The following ZNF92 variants were observed in gnomAD, a reference collection of about 807,000 sequenced individuals.
ZNF92 encodes zinc finger protein 92, also known as epididymis luminal protein 203.
A neutral mutation model predicts 12.4 loss-of-function variants in ZNF92; 11 were observed. That is an observed-to-expected ratio of 0.89 (90% CI 0.56 to 1.47). The LOEUF (loss-of-function observed/expected upper bound fraction) is 1.47. Ranked by LOEUF, ZNF92 falls within the 40% of genes most tolerant of loss-of-function variation. The pLI is 0.00. For synonymous variants in ZNF92, 206 were observed against 228.6 expected (o/e 0.90, Z 0.89); for missense variants, 622 against 681.0 (o/e 0.91, Z 0.96).
At position 65,387,933 on chromosome 7, in the gene ZNF92, A is replaced by T. The variant is rs374946744; in HGVS notation, c.35A>T (p.Glu12Val). Residue 12 changes from glutamate (E) to valine (V), a missense_variant, in exon 2 of 4, where the codon GAA (glutamate) becomes GTA (valine). Glu to Val is a moderately radical substitution (Grantham distance 121). Transcript: ENST00000328747. ...GPLTFRDVKI[E>V]FSLEEWQCLD... The stretch of plus-strand genomic sequence containing the variant: ...CTGACATTTAGGGATGTGAAAATAG[A>T]ATTCTCTCTAGAGGAATGGCAATGC... 9 of 1,607,654 alleles carry T rather than the reference A, an allele frequency of 5.6e-6. No individual in the cohort carries two copies. The highest frequency in any genetic ancestry group is 7.6e-6 in the Non-Finnish European group (9 of 1,177,322).
chr7:65,399,092 A>G lies in ZNF92; in HGVS notation c.978A>G (p.Ser326=). The G allele has an allele frequency of 6.2e-7, 1 of 1,612,802 alleles. No individual in the cohort carries two copies. Among genetic ancestry groups the G allele is most frequent in the Non-Finnish European group, 8.5e-7 (1 of 1,179,372 alleles). The change falls in exon 4 of 4, where the codon TCA becomes TCG. Residue 326 remains serine, a synonymous_variant. Coordinates refer to ENST00000328747, the MANE Select transcript of ZNF92 (RefSeq NM_152626.4). ...GTGGCAAAGCCTTTAGAGTATTCTC[A>G]ATTCTTAAAAAACATAAGATAATCC... ...EECGKAFRVF[S]ILKKHKIIHT...
intron 1 of ZNF92, among the ~76,000 whole-genome samples, chr7:65,386,175 A>G (rs574946436): frequency 1.3e-5 from 2 of 152,086 alleles, no homozygotes; most frequent in Admixed American, 6.6e-5. Context: ...GCGTGCCACC[A>G]TGCCCGGCTA....
intron 1 of ZNF92, among the ~76,000 whole-genome samples, chr7:65,380,924 GT>G (rs1010844825): frequency 1.3e-5 from 2 of 151,650 alleles, no homozygotes; most frequent in Admixed American, 6.6e-5. Flanking sequence ...TCATTGTGGT[GT>G]TTTTTTTGTT....
chr7:65,375,340 G>T (rs1407727620), intron 1 of ZNF92, among the ~76,000 whole-genome samples: 1 of 152,002 alleles, frequency 6.6e-6, no homozygotes, highest in Non-Finnish European at 1.5e-5. Flanking sequence ...ATCAGCTCCT[G>T]GGTCATTTTC....
intron 3 of ZNF92, among the ~76,000 whole-genome samples, chr7:65,391,655 A>C (rs1412441616): frequency 1.3e-5 from 2 of 152,136 alleles, no homozygotes; most frequent in African/African-American, 4.8e-5. Context: ...TTATTTGGCA[A>C]CGTAAGGCTA....
intron 1 of ZNF92, among the ~76,000 whole-genome samples, chr7:65,376,071 C>A (rs1413475863): frequency 6.6e-6 from 1 of 151,628 alleles, no homozygotes; most frequent in Non-Finnish European, 1.5e-5. Context: ...CACAACCACA[C>A]CCGACTAGTG....
At position 65,399,060 on chromosome 7, in the gene ZNF92, G is replaced by C; in HGVS notation, c.946G>C (p.Glu316Gln). 6.2e-7 allele frequency: 1 copy of C among 1,613,298 alleles called. No individual in the cohort carries two copies. The highest frequency in any genetic ancestry group is 8.5e-7 in the Non-Finnish European group (1 of 1,179,660). Reference protein sequence around the residue: ...IHMEDKPYKCEECGKAFRVFS... With the variant: ...IHMEDKPYKCQECGKAFRVFS... ...TATGGAAGATAAACCCTACAAATGT[G>C]AAGAATGTGGCAAAGCCTTTAGAGT... The change falls in exon 4 of 4, where the codon GAA becomes CAA. Residue 316 changes from glutamate (E) to glutamine (Q), a missense_variant. Physicochemically the swap from Glu to Gln is conservative, Grantham distance 29. Transcript: ENST00000328747.
chr7:65,398,269 T>C lies in ZNF92; in HGVS notation c.227-72T>C, dbSNP rs1036779628. On this transcript the variant is annotated intron_variant, in intron 3 of 3. Transcript: ENST00000328747. ...TTATGTTGTAGTTTGTACAATTTTA[T>C]AGGTTAAATTTGTAAAGTATATTCA... is the stretch of plus-strand genomic sequence containing the variant. 3.2e-6 allele frequency: 4 copies of C among 1,255,022 alleles called. No individual in the cohort carries two copies. The African/African-American group carries it at 4.5e-5, about 14-fold the overall frequency. 77.7% of individuals were successfully genotyped at this position (1,255,022 alleles called of 1,614,324 possible).
At chr7:65,389,101 A>T (rs779236221) in intron 3 of ZNF92, among the ~76,000 whole-genome samples, 200 bp downstream of exon 3, 6 of 151,960 alleles carry the variant, frequency 3.9e-5, no homozygotes, top group Non-Finnish European at 7.4e-5. Flanking sequence ...CTGGGATTAC[A>T]GGCACCCACC....
chr7:65,376,075 A>C (rs1170530525), intron 1 of ZNF92, among the ~76,000 whole-genome samples: 3 of 150,996 alleles, frequency 2.0e-5, no homozygotes, highest in Non-Finnish European at 3.0e-5. Flanking sequence ...ACCACACCCG[A>C]CTAGTGTTTT....
Position 65,373,886 on chromosome 7 carries a change from G to C in ZNF92, c.-112G>C. 6.7e-7 allele frequency: 1 copy of C among 1,481,840 alleles called. No homozygotes were observed. The highest frequency in any genetic ancestry group is 2.3e-5 in the East Asian group (1 of 44,130). The allele number at this position is 1,481,840 out of a possible 1,614,324, so 91.8% of individuals were successfully genotyped here. ...CGCTGCAGCCGGCGCTCCACGTCTAGTCTTCACTGCTCTGCGTCCTGTGCT... is the reference window on the plus strand; with the variant it reads ...CGCTGCAGCCGGCGCTCCACGTCTACTCTTCACTGCTCTGCGTCCTGTGCT... On this transcript the variant is annotated 5_prime_UTR_variant, in exon 1 of 4. Coordinates refer to ENST00000328747, the MANE Select transcript of ZNF92 (RefSeq NM_152626.4).
Position 65,398,559 on chromosome 7 carries a change from A to G in ZNF92, c.445A>G (p.Lys149Glu), listed in dbSNP as rs151074984. 1.2e-6 allele frequency: 2 copies of G among 1,609,400 alleles called. No individual in the cohort carries two copies. Among genetic ancestry groups the G allele is most frequent in the African/African-American group, 2.7e-5 (2 of 74,546 alleles). The change falls in exon 4 of 4, where the codon AAA (lysine) becomes GAA (glutamate). Residue 149 changes from lysine (K) to glutamate (E), a missense_variant. Physicochemically the swap from Lys to Glu is moderately conservative, Grantham distance 56. Transcript: ENST00000328747. ...TTDSKIFQCDKYVKVFHKFPN... is the reference protein window; with the variant it reads ...TTDSKIFQCDEYVKVFHKFPN... ...TGACAGCAAGATATTTCAGTGTGAT[A>G]AATATGTGAAAGTCTTTCATAAATT...
At chr7:65,387,616 A>G (rs1793607424) in intron 1 of ZNF92, among the ~76,000 whole-genome samples, 1 of 150,924 alleles carries the variant, frequency 6.6e-6, no homozygotes, top group Non-Finnish European at 1.5e-5. Flanking sequence ...ACACTCAGAA[A>G]TGTACGTTTG....
At position 65,373,965 on chromosome 7, in the gene ZNF92, G is replaced by C; in HGVS notation, c.-33G>C. 1 of 1,614,122 alleles carries C rather than the reference G, an allele frequency of 6.2e-7. No individual in the cohort carries two copies. The highest frequency in any genetic ancestry group is 8.5e-7 in the Non-Finnish European group (1 of 1,179,986). ...ACCTGCAAGAACTTGGAGGTTCACA[G>C]CTAAGACGCCAGGACCCCCTGGAAG... On this transcript the variant is annotated 5_prime_UTR_variant, in exon 1 of 4. Coordinates refer to ENST00000328747, the MANE Select transcript of ZNF92 (RefSeq NM_152626.4).
rs1448636403 is a variant in ZNF92, at chr7:65,387,971, C to T, written c.73C>T (p.Gln25Ter). 1.2e-6 allele frequency: 2 copies of T among 1,608,198 alleles called. No homozygotes were observed. The highest frequency in any genetic ancestry group is 1.7e-6 in the Non-Finnish European group (2 of 1,177,902). Residue 25 changes from glutamine (Q) to a stop codon, truncating the protein, a stop_gained, in exon 2 of 4, where the codon CAG (glutamine) becomes TAG (stop). Coordinates refer to ENST00000328747, the MANE Select transcript of ZNF92 (RefSeq NM_152626.4). LOFTEE classifies it high-confidence loss of function. ...LEEWQCLDTA[Q>*]RNLYRDVMLE... ...GGAATGGCAATGCCTGGACACTGCG[C>T]AGCGGAATTTATATAGAGATGTGAT...
chr7:65,399,147 G>A lies in ZNF92; in HGVS notation c.1033G>A (p.Glu345Lys). The A allele has an allele frequency of 6.2e-7, 1 of 1,613,206 alleles. No individual in the cohort carries two copies. The change falls in exon 4 of 4, where the codon GAA becomes AAA. Residue 345 changes from glutamate (E) to lysine (K), a missense_variant. Glu to Lys is a moderately conservative substitution (Grantham distance 56). Transcript: ENST00000328747. ...HTGEKPYKCE[E>K]CGKAFNQFSN... is the part of the protein sequence containing the mutation. ...TGGGGAAAAACCATACAAATGTGAA[G>A]AATGTGGCAAAGCCTTTAACCAGTT...
chr7:65,376,674 T>C (rs1199637359), intron 1 of ZNF92, among the ~76,000 whole-genome samples: 3 of 152,098 alleles, frequency 2.0e-5, no homozygotes, highest in Non-Finnish European at 4.4e-5. Flanking sequence ...CTTGAACTCC[T>C]GACCTCGTGA....
intron 3 of ZNF92, among the ~76,000 whole-genome samples, chr7:65,391,717 C>T (rs1272065315): frequency 1.3e-5 from 2 of 151,984 alleles, no homozygotes; most frequent in African/African-American, 4.8e-5. Context: ...GTAAGAATAG[C>T]ATATATTTAA....
chr7:65,387,505 G>A (rs1359905013), intron 1 of ZNF92, among the ~76,000 whole-genome samples: 1 of 149,474 alleles, frequency 6.7e-6, no homozygotes, highest in East Asian at 2.0e-4. Context: ...TATTCCAGAT[G>A]TTCTGAAAAA....
Sources: gnomAD v4.1 joint callset for allele counts (sites outside exome capture counted in the v4.1 genomes callset) on GRCh38, gnomAD v4.1.1 for gene constraint, MANE v1.5 for transcripts, NCBI Gene and HGNC (gene_info 2026-07-23, HGNC 2026-07-21) for gene names.